The following ERC1 variants were observed in gnomAD, a reference collection of about 807,000 sequenced individuals.
ERC1 encodes RAB6 interacting protein 2.
Under a neutral mutation model 132.0 loss-of-function variants are expected in ERC1, and 56 were observed. That is an observed-to-expected ratio of 0.42 (90% CI 0.34 to 0.53). The LOEUF is 0.53. Among genes scored for constraint, ERC1 ranks in the 20% least tolerant of loss-of-function variants. ERC1 has a pLI of 0.03. For synonymous variants in ERC1, 478 were observed against 476.1 expected (o/e 1.00, Z -0.05); for missense variants, 1,202 against 1,349.9 (o/e 0.89, Z 1.72).
At chr12:1,381,541 T>G (rs2088669113) in intron 16 of ERC1, among the ~76,000 whole-genome samples, 1 of 152,182 alleles carries the variant, frequency 6.6e-6, no homozygotes. Context: ...ATGTTAATCT[T>G]TTAAAAATTA....
chr12:1,432,949 G>A (rs1030910345), intron 17 of ERC1, among the ~76,000 whole-genome samples: 3 of 152,196 alleles, frequency 2.0e-5, no homozygotes, highest in Admixed American at 6.5e-5. Flanking sequence ...AGTCATTAAC[G>A]TGATGTCACC....
chr12:1,345,614 G>C (rs1368669812), intron 15 of ERC1, among the ~76,000 whole-genome samples: 1 of 152,096 alleles, frequency 6.6e-6, no homozygotes, highest in Admixed American at 6.5e-5. Context: ...TTCATGCCAT[G>C]CTCTAAAAGA....
At chr12:1,153,142 C>G (rs1274629581) in intron 8 of ERC1, 1 of 152,246 alleles carries the variant, frequency 6.6e-6, no homozygotes, top group Non-Finnish European at 1.5e-5. Context: ...TTTCCTACTT[C>G]TGGGAACCGT....
chr12:1,032,284 C>T (rs550700607), intron 2 of ERC1, among the ~76,000 whole-genome samples: 124 of 152,218 alleles, frequency 8.1e-4, no homozygotes, highest in African/African-American at 2.6e-3. Flanking sequence ...CTCCTGACCT[C>T]GTGATCCGCC....
At chr12:1,380,317 G>A (rs559351487) in intron 16 of ERC1, 2 of 152,326 alleles carry the variant, frequency 1.3e-5, no homozygotes, top group African/African-American at 4.8e-5. Flanking sequence ...ACAGCTTTCT[G>A]TAATATCACT....
chr12:1,423,602 GTC>G (rs1565408107), intron 17 of ERC1, among the ~76,000 whole-genome samples: 1 of 152,198 alleles, frequency 6.6e-6, no homozygotes, highest in African/African-American at 2.4e-5. Flanking sequence ...GGTTGATAGA[GTC>G]TGTCAGATCC....
intron 16 of ERC1, chr12:1,391,366 G>A (rs1385321516): frequency 6.6e-6 from 1 of 152,252 alleles, no homozygotes; most frequent in Non-Finnish European, 1.5e-5. Flanking sequence ...GTCCCCACTA[G>A]GCTTCACTGG....
upstream of ERC1, chr12:990,107 G>T (rs1417199325): frequency 6.6e-6 from 1 of 152,262 alleles, no homozygotes; most frequent in Non-Finnish European, 1.5e-5. Flanking sequence ...GAATGAATGT[G>T]AAGGCTGAGG....
rs61912169 is a variant in ERC1, at chr12:1,491,601, T to G, written c.*1371T>G. The G allele has an allele frequency of 0.54, 122,698 of 228,890 alleles. 34,615 individuals are homozygous for G. Among genetic ancestry groups the G allele is most frequent in the Middle Eastern group, 0.61 (459 of 750 alleles). The allele number at this position is 228,890 out of a possible 1,614,324, so 14.2% of individuals were successfully genotyped here. A position where few individuals can be genotyped will look rare whatever the true frequency, so the allele number is the denominator to read the frequency against. On this transcript the variant is annotated 3_prime_UTR_variant, in exon 19 of 19. Transcript: ENST00000360905. ...CTAATGGAATTCATGAGTTTGGGGGTCTCAGTCACCCGCTTGCCTGTAGGA... is the reference window on the plus strand; with the variant it reads ...CTAATGGAATTCATGAGTTTGGGGGGCTCAGTCACCCGCTTGCCTGTAGGA...
intron 8 of ERC1, among the ~76,000 whole-genome samples, chr12:1,150,859 A>G (rs751911530): frequency 7.9e-5 from 12 of 152,374 alleles, no homozygotes; most frequent in Non-Finnish European, 1.8e-4. Flanking sequence ...ATCCAAACGT[A>G]ATGACATATC....
intron 2 of ERC1, among the ~76,000 whole-genome samples, chr12:1,046,851 T>G (rs1971154273): frequency 6.6e-6 from 1 of 152,214 alleles, no homozygotes; most frequent in Non-Finnish European, 1.5e-5. Flanking sequence ...CACTCCACGG[T>G]ACATGCTTCA....
chr12:1,359,045 C>G (rs2085815874), intron 15 of ERC1, among the ~76,000 whole-genome samples: 1 of 152,146 alleles, frequency 6.6e-6, no homozygotes, highest in South Asian at 2.1e-4. Flanking sequence ...GGTCTTTGCT[C>G]TGCTGCCTTG....
At chr12:1,019,590 C>T (rs1403821682) in intron 1 of ERC1, among the ~76,000 whole-genome samples, 5 of 152,190 alleles carry the variant, frequency 3.3e-5, no homozygotes, top group African/African-American at 1.2e-4. Context: ...GTTTTGCCCT[C>T]ATGGACCTCC....
intron 14 of ERC1, among the ~76,000 whole-genome samples, chr12:1,268,832 G>A (rs6489277): frequency 0.41 from 62,498 of 152,040 alleles, 13,399 homozygotes; most frequent in Middle Eastern, 0.52. Context: ...TGTAGAGGGA[G>A]CAGAAGTGAA....
At chr12:1,018,759 G>A (rs1405149120) in intron 1 of ERC1, among the ~76,000 whole-genome samples, 1 of 152,180 alleles carries the variant, frequency 6.6e-6, no homozygotes, top group Non-Finnish European at 1.5e-5. Flanking sequence ...TAGACACTGT[G>A]CTAGGTTTTG....
intron 8 of ERC1, among the ~76,000 whole-genome samples, chr12:1,173,103 T>C (rs1466767008): frequency 6.6e-6 from 1 of 152,214 alleles, no homozygotes; most frequent in African/African-American, 2.4e-5. Flanking sequence ...ATCGTAGCAA[T>C]GGTATACTAT....
At chr12:1,074,315 C>CT (rs1347312130) in intron 2 of ERC1, among the ~76,000 whole-genome samples, 1 of 151,592 alleles carries the variant, frequency 6.6e-6, no homozygotes, top group African/African-American at 2.4e-5. Context: ...ATTCCTTTTT[C>CT]TTTTTTTTCC....
intron 1 of ERC1, among the ~76,000 whole-genome samples, chr12:1,010,008 C>T (rs1490365706): frequency 1.3e-5 from 2 of 152,162 alleles, no homozygotes; most frequent in African/African-American, 2.4e-5. Context: ...GCTTGAATCT[C>T]TTTGGATACT....
intron 18 of ERC1, among the ~76,000 whole-genome samples, chr12:1,478,578 G>A (rs898898527): frequency 1.3e-5 from 2 of 152,080 alleles, no homozygotes; most frequent in African/African-American, 2.4e-5. Flanking sequence ...TGGATCACGA[G>A]GTCAGGAGAT....
Sources: gnomAD v4.1 joint callset for allele counts (sites outside exome capture counted in the v4.1 genomes callset) on GRCh38, gnomAD v4.1.1 for gene constraint, MANE v1.5 for transcripts, NCBI Gene and HGNC (gene_info 2026-07-23, HGNC 2026-07-21) for gene names.